DHODH: variants seen among roughly 807,000 people sequenced by gnomAD.
The protein encoded by DHODH is dihydroorotate dehydrogenase (quinone), mitochondrial.
In DHODH, 30 loss-of-function variants were observed where a neutral mutation model predicts 39.7. The ratio of observed to expected loss-of-function variants is 0.76; its 90% CI spans 0.57 to 1.02. The LOEUF (loss-of-function observed/expected upper bound fraction) is 1.02. Ranked by LOEUF, DHODH falls within the 50% of genes least tolerant of loss-of-function variation. The pLI is 0.00. For synonymous variants in DHODH, 222 were observed against 213.8 expected (o/e 1.04, Z -0.34); for missense variants, 531 against 520.8 (o/e 1.02, Z -0.19).
chr16:72,013,461 C>G (rs543949479), intron 2 of DHODH: 1 of 152,326 alleles, frequency 6.6e-6, no homozygotes, highest in East Asian at 1.9e-4. Flanking sequence ...TCCTCAACAC[C>G]TCTGCGTGGG....
At chr16:72,009,015 C>G (rs191475180) in intron 1 of DHODH, 4 of 1,438,578 alleles carry the variant, frequency 2.8e-6, no homozygotes, top group Non-Finnish European at 3.6e-6. Flanking sequence ...GGGTGCTGAT[C>G]TGAGTGTCTG....
intron 4 of DHODH, among the ~76,000 whole-genome samples, chr16:72,017,370 C>T (rs956291897): frequency 1.3e-4 from 20 of 152,092 alleles, no homozygotes; most frequent in African/African-American, 4.6e-4. Context: ...TGAAAGCAAG[C>T]GAAGCAAAGC....
At chr16:72,021,353 T>G in intron 5 of DHODH, 42 bp downstream of exon 5, 1 of 1,554,708 alleles carries the variant, frequency 6.4e-7, no homozygotes, top group Non-Finnish European at 8.7e-7. Flanking sequence ...CCCACCAGCC[T>G]GTCCCACCTG....
intron 4 of DHODH, among the ~76,000 whole-genome samples, chr16:72,017,921 G>A (rs980370460): frequency 2.6e-5 from 4 of 151,946 alleles, no homozygotes; most frequent in African/African-American, 4.8e-5. Context: ...TCAGGCACCC[G>A]CCGCCACACC....
intron 3 of DHODH, chr16:72,016,349 C>G (rs570134182): frequency 6.4e-6 from 1 of 156,452 alleles, no homozygotes; most frequent in Non-Finnish European, 1.4e-5. Flanking sequence ...TAGGTCAAAA[C>G]CCACAGTGGG....
Position 72,023,308 on chromosome 16 carries a change from A to G in DHODH, c.963A>G (p.Ala321=). The G allele has an allele frequency of 1.2e-6, 2 of 1,613,990 alleles. No individual in the cohort carries two copies. Among genetic ancestry groups the G allele is most frequent in the Non-Finnish European group, 1.7e-6 (2 of 1,180,000 alleles). Residue 321 remains alanine (A), a synonymous_variant, in exon 7 of 9, where the codon GCA becomes GCG. Coordinates refer to ENST00000219240, the MANE Select transcript of DHODH (RefSeq NM_001361.5). ...LSTQTIREMY[A]LTQGRVPIIG... ...CTCAAACCATTCGGGAGATGTATGC[A>G]CTCACCCAAGGCAAGGTTTCCCGTG...
At chr16:72,015,449 G>T (rs1364653224) in intron 3 of DHODH, among the ~76,000 whole-genome samples, 1 of 152,230 alleles carries the variant, frequency 6.6e-6, no homozygotes, top group African/African-American at 2.4e-5. Flanking sequence ...TCATCCCTGG[G>T]CAATTTTTAC....
rs549374844 is a variant in DHODH at position 72,024,415 on chromosome 16, G to A, written c.*216G>A. ...ATAAACTGCATTTTTGATTCTTTGT[G>A]GATTCAAACCCTAGGATCCATCAGT... On this transcript the variant is annotated 3_prime_UTR_variant, in exon 9 of 9. Coordinates refer to ENST00000219240, the MANE Select transcript of DHODH (RefSeq NM_001361.5). The A allele has an allele frequency of 9.1e-5, 55 of 604,386 alleles. 1 individual carries two copies. In the South Asian group the frequency reaches 1.0e-3, roughly 11 times the overall value. 37.4% of individuals were successfully genotyped at this position (604,386 alleles called of 1,614,324 possible). A position where few individuals can be genotyped will look rare whatever the true frequency, so the allele number is the denominator to read the frequency against.
intron 4 of DHODH, among the ~76,000 whole-genome samples, chr16:72,017,788 T>TTTTTTTTTTA (rs2041158872): frequency 7.0e-6 from 1 of 143,654 alleles, no homozygotes; most frequent in African/African-American, 2.5e-5. Flanking sequence ...TTTTTTTTTT[T>TTTTTTTTTTA]GAGACGGAGT....
intron 1 of DHODH, among the ~76,000 whole-genome samples, chr16:72,011,643 A>G (rs1236480542): frequency 6.6e-6 from 1 of 152,220 alleles, no homozygotes; most frequent in Non-Finnish European, 1.5e-5. Flanking sequence ...TACCCACACA[A>G]ATGTCAGAAT....
chr16:72,016,926 G>T, intron 3 of DHODH, 98 bp from the exon 4 acceptor site: 1 of 1,124,326 alleles, frequency 8.9e-7, no homozygotes, highest in South Asian at 1.3e-5. Flanking sequence ...AACTGACTGT[G>T]ATTTTTTTTT....
intron 1 of DHODH, among the ~76,000 whole-genome samples, chr16:72,011,212 A>C (rs924241482): frequency 1.3e-5 from 2 of 152,236 alleles, no homozygotes; most frequent in Non-Finnish European, 2.9e-5. Context: ...GGTGTGTTAC[A>C]TATCAGGCAC....
rs2041283573 is a variant in DHODH at position 72,027,025 on chromosome 16, C to T, written c.*2826C>T. 1 of 147,656 alleles carries T rather than the reference C, an allele frequency of 6.8e-6. No homozygotes were observed. The highest frequency in any genetic ancestry group is 2.5e-5 in the African/African-American group (1 of 39,544). 9.1% of individuals were successfully genotyped at this position (147,656 alleles called of 1,614,324 possible). On this transcript the variant is annotated 3_prime_UTR_variant, in exon 9 of 9. Coordinates refer to ENST00000219240, the MANE Select transcript of DHODH (RefSeq NM_001361.5). ...TGTGTGTGTGTTTTTGAGATGGAGT[C>T]CTGCTCTGTCACCCCGGCTGGAGTG... is the stretch of plus-strand genomic sequence containing the variant.
At position 72,021,324 on chromosome 16, in the gene DHODH, AC is replaced by A. The variant is rs763689021; in HGVS notation, c.705+17del. Reference sequence around the variant, plus strand: ...CCTGCTGACCAAGGTGGGCAGCTGCACCCCTCTCCAGGCCCTGTCCCACCAG... The same window carrying A: ...CCTGCTGACCAAGGTGGGCAGCTGCACCCTCTCCAGGCCCTGTCCCACCAG... On this transcript the variant is annotated intron_variant, in intron 5 of 8. Coordinates refer to ENST00000219240, the MANE Select transcript of DHODH (RefSeq NM_001361.5). 6.3e-7 allele frequency: 1 copy of A among 1,588,812 alleles called. No individual in the cohort carries two copies.
chr16:72,009,413 G>A (rs561265447), intron 1 of DHODH, among the ~76,000 whole-genome samples: 1 of 144,068 alleles, frequency 6.9e-6, no homozygotes, highest in Non-Finnish European at 1.5e-5. Flanking sequence ...TGAGGCAGGA[G>A]AATGGCGTGA....
rs1567572890 is a variant in DHODH, at chr16:72,020,359, ATATATATATATATTTT to A, written c.518-763_518-748del. 25 of 69,086 alleles carry A rather than the reference ATATATATATATATTTT, an allele frequency of 3.6e-4. 1 individual carries two copies. Among genetic ancestry groups the A allele is most frequent in the African/African-American group, 1.1e-3 (19 of 17,090 alleles). The allele number at this position is 69,086 out of a possible 1,614,324, so 4.3% of individuals were successfully genotyped here. A position where few individuals can be genotyped will look rare whatever the true frequency, so the allele number is the denominator to read the frequency against. On this transcript the variant is annotated intron_variant, in intron 4 of 8. Coordinates refer to ENST00000219240, the MANE Select transcript of DHODH (RefSeq NM_001361.5). Reference sequence around the variant, plus strand: ...TATATATATATATATATATATGTGTATATATATATATATTTTTTTTTTTTTTCTTTTTTTTGAGACA... The same window carrying A: ...TATATATATATATATATATATGTGTATTTTTTTTTTCTTTTTTTTGAGACA...
chr16:72,013,373 C>T (rs766835041), intron 2 of DHODH, among the ~76,000 whole-genome samples: 1 of 152,070 alleles, frequency 6.6e-6, no homozygotes, highest in African/African-American at 2.4e-5. Context: ...GAAGGAAGTG[C>T]GGGGTGCCTG....
rs1459813059 is a variant in DHODH, at chr16:72,016,957, C to G, written c.435-67C>G. ...TTTTTTTCTCTTGTTTGAAAAAGTC[C>G]TAAGTGTATGGGAAGTGGCTATGGT... On this transcript the variant is annotated intron_variant, in intron 3 of 8. Transcript: ENST00000219240. 4 of 1,440,014 alleles carry G rather than the reference C, an allele frequency of 2.8e-6. No individual in the cohort carries two copies. In the African/African-American group the frequency reaches 4.2e-5, roughly 15 times the overall value. 89.2% of individuals were successfully genotyped at this position (1,440,014 alleles called of 1,614,324 possible).
chr16:72,009,192 C>G (rs2041054378), intron 1 of DHODH: 3 of 1,041,830 alleles, frequency 2.9e-6, no homozygotes, highest in Non-Finnish European at 3.5e-6. Flanking sequence ...AAGTTCTTAG[C>G]TGTATCCCCG....
Sources: allele counts gnomAD v4.1 joint callset (sites outside exome capture counted in the v4.1 genomes callset), GRCh38; gene constraint gnomAD v4.1.1; transcripts MANE v1.5; gene names NCBI Gene and HGNC (gene_info 2026-07-23, HGNC 2026-07-21).